Variants in MANSC1 observed in about 807,000 individuals in gnomAD.
MANSC1 encodes MANSC domain-containing protein 1.
MANSC1 carries 13 observed loss-of-function variants against 14.1 expected under a neutral mutation model. The observed-to-expected ratio is 0.92, with a 90% confidence interval of 0.60 to 1.46. MANSC1 has a LOEUF of 1.46. Among genes scored for constraint, MANSC1 ranks in the 40% most tolerant of loss-of-function variants. The pLI, the probability that MANSC1 is intolerant of heterozygous loss-of-function variation, is 0.00. For synonymous variants in MANSC1, 227 were observed against 200.7 expected, an observed-to-expected ratio of 1.13 and a Z score of -1.11; for missense variants, 486 against 511.4, an observed-to-expected ratio of 0.95 and a Z score of 0.48.
At position 12,343,398 on chromosome 12, in the gene MANSC1, G is replaced by C; in HGVS notation, c.-84C>G. 1.2e-6 allele frequency: 1 copy of C among 843,214 alleles called. No individual in the cohort carries two copies. Among genetic ancestry groups the C allele is most frequent in the Non-Finnish European group, 1.9e-6 (1 of 529,210 alleles). The allele number at this position is 843,214 out of a possible 1,614,324, so 52.2% of individuals were successfully genotyped here. Reference sequence around the variant, plus strand: ...TAGTTTGCTTTAAGAAGGCTGCACAGATGATGAGATTTCTCTCTAGAACAA... The same window carrying C: ...TAGTTTGCTTTAAGAAGGCTGCACACATGATGAGATTTCTCTCTAGAACAA... On this transcript the variant is annotated 5_prime_UTR_variant, in exon 2 of 4. It adds an upstream start codon to the 5' untranslated region. Coordinates refer to ENST00000535902, the MANE Select transcript of MANSC1 (RefSeq NM_018050.4).
At chr12:12,347,828 GTGGGCAGATCACT>G (rs941371679) in intron 1 of MANSC1, among the ~76,000 whole-genome samples, 6 of 152,204 alleles carry the variant, frequency 3.9e-5, no homozygotes, top group Non-Finnish European at 8.8e-5. Flanking sequence ...GGAGGCCAAG[GTGGGCAGATCACT>G]TGAGGTCAGG....
intron 1 of MANSC1, among the ~76,000 whole-genome samples, chr12:12,348,642 A>C (rs564553477): frequency 5.7e-4 from 87 of 151,880 alleles, no homozygotes; most frequent in African/African-American, 1.9e-3. Flanking sequence ...ATCTGTCAAA[A>C]CCCATAGAAA....
At chr12:12,332,521 A>T (rs1394861557) in intron 3 of MANSC1, among the ~76,000 whole-genome samples, 3 of 152,094 alleles carry the variant, frequency 2.0e-5, no homozygotes, top group Non-Finnish European at 2.9e-5. Context: ...TACGTTTTTT[A>T]AAATTTTTAT....
At chr12:12,342,836 C>T (rs1347562090) in intron 2 of MANSC1, among the ~76,000 whole-genome samples, 1 of 151,942 alleles carries the variant, frequency 6.6e-6, no homozygotes, top group East Asian at 1.9e-4. Flanking sequence ...TTCTAGATAC[C>T]AGTTGGGATA....
rs1217204936 is a variant in MANSC1 at position 12,326,752 on chromosome 12, G to A, written c.*3275C>T. On this transcript the variant is annotated 3_prime_UTR_variant, in exon 4 of 4. Coordinates refer to ENST00000535902, the MANE Select transcript of MANSC1 (RefSeq NM_018050.4). ...TCCTCCCACCTCAGTCTCCCAAAGG[G>A]CTGAGATTACAGATGTGAGCCACTA... 2 of 151,936 alleles carry A rather than the reference G, an allele frequency of 1.3e-5. No homozygotes were observed. The highest frequency in any genetic ancestry group is 2.9e-5 in the Non-Finnish European group (2 of 68,122). The allele number at this position is 151,936 out of a possible 1,614,324, so 9.4% of individuals were successfully genotyped here.
At chr12:12,338,690 G>A in intron 2 of MANSC1, 130 bp from the exon 3 acceptor site, 1 of 818,956 alleles carries the variant, frequency 1.2e-6, no homozygotes, top group Non-Finnish European at 2.0e-6. Context: ...CTTGCTTGCT[G>A]ACCGCTGAAT....
intron 1 of MANSC1, among the ~76,000 whole-genome samples, chr12:12,343,749 A>G (rs921587293): frequency 6.6e-6 from 1 of 152,196 alleles, no homozygotes; most frequent in African/African-American, 2.4e-5. Context: ...ATTTCTAGTC[A>G]CTGATGAAGC....
intron 1 of MANSC1, among the ~76,000 whole-genome samples, chr12:12,343,962 A>G (rs1862971509): frequency 6.6e-6 from 1 of 151,770 alleles, no homozygotes; most frequent in South Asian, 2.1e-4. Context: ...AAATACAAAA[A>G]ATTAGCTGGG....
chr12:12,345,253 G>A (rs1468947216), intron 1 of MANSC1, among the ~76,000 whole-genome samples: 3 of 148,716 alleles, frequency 2.0e-5, no homozygotes, highest in Non-Finnish European at 3.0e-5. Flanking sequence ...CCGGGAAGTG[G>A]AGGTTGCAGC....
intron 2 of MANSC1, among the ~76,000 whole-genome samples, chr12:12,339,873 A>G (rs1226318313): frequency 6.6e-6 from 1 of 151,674 alleles, no homozygotes; most frequent in Non-Finnish European, 1.5e-5. Flanking sequence ...AGTGCAGTGG[A>G]ACAATCATGG....
chr12:12,344,884 GTGATCATGT>G (rs1241782280), intron 1 of MANSC1, among the ~76,000 whole-genome samples: 1 of 127,136 alleles, frequency 7.9e-6, no homozygotes, highest in Non-Finnish European at 1.6e-5. Flanking sequence ...GTGGGGCCTT[GTGATCATGT>G]GAGTTAATAC....
At chr12:12,331,068 A>G (rs1372424108) in intron 3 of MANSC1, 110 bp from the exon 4 acceptor site, 6 of 735,098 alleles carry the variant, frequency 8.2e-6, no homozygotes, top group Non-Finnish European at 1.3e-5. Context: ...CTGGTTGGCC[A>G]TGGTGGCTCA....
Position 12,329,841 on chromosome 12 carries a change from G to A in MANSC1, c.*186C>T, listed in dbSNP as rs376869642. ...GGAGGTTGCGGTGAGAGCCGAGATCGTGCTACTGCACTCCAGCCTGGGCAA... is the reference window on the plus strand; with the variant it reads ...GGAGGTTGCGGTGAGAGCCGAGATCATGCTACTGCACTCCAGCCTGGGCAA... On this transcript the variant is annotated 3_prime_UTR_variant, in exon 4 of 4. Transcript: ENST00000535902. The A allele has an allele frequency of 2.1e-5, 12 of 568,644 alleles. No homozygotes were observed. The highest frequency in any genetic ancestry group is 9.4e-5 in the African/African-American group (5 of 53,012). The allele number at this position is 568,644 out of a possible 1,614,324, so 35.2% of individuals were successfully genotyped here.
At chr12:12,347,264 G>A (rs1863021270) in intron 1 of MANSC1, among the ~76,000 whole-genome samples, 1 of 152,196 alleles carries the variant, frequency 6.6e-6, no homozygotes. Flanking sequence ...GGGAGACAGT[G>A]ACAGATCATC....
intron 1 of MANSC1, among the ~76,000 whole-genome samples, chr12:12,344,915 C>CTATATA (rs1424375988): frequency 6.7e-5 from 2 of 30,056 alleles, no homozygotes; most frequent in Non-Finnish European, 6.3e-5. Context: ...TAATAAACTC[C>CTATATA]CATATATATA....
At chr12:12,332,559 C>A (rs544100308) in intron 3 of MANSC1, among the ~76,000 whole-genome samples, 1 of 152,272 alleles carries the variant, frequency 6.6e-6, no homozygotes, top group East Asian at 1.9e-4. Flanking sequence ...CTCACTCTGT[C>A]GCCCAGGCTG....
chr12:12,349,230 G>A (rs1453599269), intron 1 of MANSC1, among the ~76,000 whole-genome samples: 2 of 152,146 alleles, frequency 1.3e-5, no homozygotes, highest in Non-Finnish European at 2.9e-5. Flanking sequence ...GACTCCCCAG[G>A]TTAATAATTC....
intron 2 of MANSC1, 178 bp from the exon 3 acceptor site, chr12:12,338,738 T>G: frequency 1.6e-6 from 1 of 628,268 alleles, no homozygotes; most frequent in South Asian, 2.2e-5. Context: ...TAAGGCAATT[T>G]TAAAAAACAT....
chr12:12,337,547 TGA>T (rs1369146875), intron 3 of MANSC1, among the ~76,000 whole-genome samples: 2 of 152,076 alleles, frequency 1.3e-5, no homozygotes, highest in African/African-American at 4.8e-5. Context: ...GGCAACAGAG[TGA>T]GACTCCATCT....
Sources: allele counts gnomAD v4.1 joint callset (sites outside exome capture counted in the v4.1 genomes callset), GRCh38; gene constraint gnomAD v4.1.1; transcripts MANE v1.5; gene names NCBI Gene and HGNC (gene_info 2026-07-23, HGNC 2026-07-21).